SLC35F4: variants seen among roughly 807,000 people sequenced by gnomAD.
The protein encoded by SLC35F4 is chromosome 14 open reading frame 36.
In SLC35F4, 24 loss-of-function variants were observed where a neutral mutation model predicts 44.2. The ratio of observed to expected loss-of-function variants is 0.54; its 90% CI spans 0.39 to 0.76. The LOEUF (loss-of-function observed/expected upper bound fraction) is 0.76. Ranked by LOEUF, SLC35F4 falls within the 30% of genes least tolerant of loss-of-function variation. SLC35F4 has a pLI of 0.00. For synonymous variants in SLC35F4, 238 were observed against 223.6 expected, an observed-to-expected ratio of 1.06 and a Z score of -0.57; for missense variants, 562 against 586.1, an observed-to-expected ratio of 0.96 and a Z score of 0.42.
intron 1 of SLC35F4, among the ~76,000 whole-genome samples, chr14:57,743,999 G>GA (rs963664955): frequency 2.6e-5 from 4 of 152,116 alleles, no homozygotes; most frequent in Non-Finnish European, 5.9e-5. Flanking sequence ...AATAGACGCA[G>GA]AAAAAGCCTT....
chr14:57,743,811 AT>A (rs2076686238), intron 1 of SLC35F4, among the ~76,000 whole-genome samples: 1 of 152,218 alleles, frequency 6.6e-6, no homozygotes, highest in African/African-American at 2.4e-5. Context: ...ATGAACATCG[AT>A]GCAAAAAATC....
intron 1 of SLC35F4, among the ~76,000 whole-genome samples, chr14:57,706,641 G>C (rs2075683658): frequency 6.6e-6 from 1 of 152,206 alleles, no homozygotes. Flanking sequence ...AGTTCAAGCA[G>C]AGCCCAGTAA....
intron 1 of SLC35F4, among the ~76,000 whole-genome samples, chr14:57,622,942 G>A (rs1291864917): frequency 1.3e-5 from 2 of 152,044 alleles, no homozygotes; most frequent in Non-Finnish European, 2.9e-5. Flanking sequence ...CATATGACAG[G>A]ATCGACTTCA....
At chr14:57,966,387 A>G (rs1890437442) in intron 1 of SLC35F4, among the ~76,000 whole-genome samples, 1 of 152,238 alleles carries the variant, frequency 6.6e-6, no homozygotes. Context: ...AAAGATGAAA[A>G]CTGATTGATG....
Position 57,569,838 on chromosome 14 carries a change from A to G in SLC35F4, c.1076T>C (p.Phe359Ser), listed in dbSNP as rs1444670599. ...GAGACAGCCCCATGGCAGAGCAGCA[A>G]AAGAGGACCAGTGCTCCACCTTGGT... ...YFTKVEHWSS[F>S]AALPWGCLCG... The change falls in exon 6 of 8, where the codon TTT becomes TCT. Residue 359 changes from phenylalanine to serine, a missense_variant. Transcript: ENST00000556826. 2 of 1,611,768 alleles carry G rather than the reference A, an allele frequency of 1.2e-6. No homozygotes were observed. The highest frequency in any genetic ancestry group is 1.7e-6 in the Non-Finnish European group (2 of 1,179,032).
intron 1 of SLC35F4, among the ~76,000 whole-genome samples, chr14:57,796,850 A>G (rs945459291): frequency 6.6e-6 from 1 of 152,170 alleles, no homozygotes; most frequent in East Asian, 1.9e-4. Flanking sequence ...AATATTATCC[A>G]GTGTTAATGA....
At chr14:57,584,880 A>AAC (rs1337311146) in intron 3 of SLC35F4, among the ~76,000 whole-genome samples, 1 of 152,192 alleles carries the variant, frequency 6.6e-6, no homozygotes, top group Non-Finnish European at 1.5e-5. Flanking sequence ...ATTCAAGTAG[A>AAC]ACACACACAC....
At chr14:57,820,712 G>A (rs550513335) in intron 1 of SLC35F4, among the ~76,000 whole-genome samples, 2 of 152,322 alleles carry the variant, frequency 1.3e-5, no homozygotes, top group South Asian at 4.1e-4. Flanking sequence ...TCAAGGTTTA[G>A]AGTATGAACT....
chr14:57,878,571 G>C (rs1431693054), intron 1 of SLC35F4, among the ~76,000 whole-genome samples: 1 of 152,040 alleles, frequency 6.6e-6, no homozygotes, highest in Non-Finnish European at 1.5e-5. Flanking sequence ...TATACATGCT[G>C]TTCCCTCTAT....
chr14:57,811,906 C>A (rs984247044), intron 1 of SLC35F4, among the ~76,000 whole-genome samples: 9 of 152,136 alleles, frequency 5.9e-5, no homozygotes, highest in Non-Finnish European at 1.3e-4. Flanking sequence ...TGCTGGAGCC[C>A]AGACATTTGA....
upstream of SLC35F4, among the ~76,000 whole-genome samples, chr14:57,982,586 C>T (rs1453825127): frequency 1.4e-4 from 21 of 151,852 alleles, no homozygotes; most frequent in Non-Finnish European, 2.8e-4. Context: ...AGGAGGGGAG[C>T]CAGATCATGA....
chr14:57,708,565 G>A (rs1275708260), intron 1 of SLC35F4, among the ~76,000 whole-genome samples: 1 of 152,248 alleles, frequency 6.6e-6, no homozygotes, highest in African/African-American at 2.4e-5. Context: ...AGTCCAGGCT[G>A]AGGTGTTCTC....
intron 1 of SLC35F4, among the ~76,000 whole-genome samples, chr14:57,911,928 G>A (rs559112074): frequency 1.3e-5 from 2 of 151,842 alleles, no homozygotes; most frequent in South Asian, 4.1e-4. Flanking sequence ...TATTTTGGAA[G>A]GTTATTAATT....
chr14:57,914,874 C>A (rs967964406), intron 1 of SLC35F4, among the ~76,000 whole-genome samples: 4 of 152,102 alleles, frequency 2.6e-5, no homozygotes, highest in African/African-American at 9.7e-5. Context: ...GTTCTAGGAT[C>A]TCGGGGCAGC....
chr14:57,624,918 C>T (rs1594624863), intron 1 of SLC35F4, among the ~76,000 whole-genome samples: 2 of 152,284 alleles, frequency 1.3e-5, no homozygotes, highest in South Asian at 2.1e-4. Flanking sequence ...CCTCTCTCAC[C>T]ACTCCTATTC....
chr14:57,838,980 G>T (rs1885221382), intron 1 of SLC35F4, among the ~76,000 whole-genome samples: 3 of 152,136 alleles, frequency 2.0e-5, no homozygotes. Flanking sequence ...CACTTGTTGA[G>T]CTCATATTGC....
chr14:57,647,999 G>T (rs10142406), intron 1 of SLC35F4, among the ~76,000 whole-genome samples: 141,991 of 152,266 alleles, frequency 0.93, 66,434 homozygotes, highest in Non-Finnish European at 0.97. Context: ...AGAATTGAGC[G>T]GTTTCATGTG....
At chr14:57,927,626 G>T (rs776774726) in intron 1 of SLC35F4, among the ~76,000 whole-genome samples, 64 of 151,758 alleles carry the variant, frequency 4.2e-4, no homozygotes, top group Non-Finnish European at 3.5e-4. Context: ...AAGTAGCTGG[G>T]ATTACAGGCA....
intron 1 of SLC35F4, among the ~76,000 whole-genome samples, chr14:57,729,172 C>G (rs551274496): frequency 2.0e-4 from 30 of 152,258 alleles, no homozygotes; most frequent in Non-Finnish European, 3.1e-4. Context: ...CTATAACCCT[C>G]TTGTACTTGA....
Sources: gnomAD v4.1 joint callset for allele counts (sites outside exome capture counted in the v4.1 genomes callset) on GRCh38, gnomAD v4.1.1 for gene constraint, MANE v1.5 for transcripts, NCBI Gene and HGNC (gene_info 2026-07-23, HGNC 2026-07-21) for gene names.